NEK7: variants seen among roughly 807,000 people sequenced by gnomAD.
NEK7 encodes NIMA related kinase 7, also known as serine/threonine-protein kinase Nek7.
NEK7 carries 18 observed loss-of-function variants against 44.6 expected under a neutral mutation model. The observed-to-expected ratio is 0.40, with a 90% confidence interval of 0.28 to 0.60. NEK7 has a LOEUF of 0.60. NEK7 is among the 20% of genes least tolerant of loss of function. The pLI, the probability that NEK7 is intolerant of heterozygous loss-of-function variation, is 0.38. For missense variants in NEK7, 256 were observed against 366.5 expected (o/e 0.70, Z 2.46); for synonymous variants, 130 against 121.1 (o/e 1.07, Z -0.48).
At chr1:198,214,968 GAAC>G (rs982122929) in intron 1 of NEK7, among the ~76,000 whole-genome samples, 1 of 152,156 alleles carries the variant, frequency 6.6e-6, no homozygotes, top group Admixed American at 6.5e-5. Context: ...CGTATTAGAT[GAAC>G]AGCAGAGTTC....
rs34704209 is a variant in NEK7 at position 198,317,877 on chromosome 1, A to ATTTTTTTTTT, written c.799-1521_799-1512dup. On this transcript the variant is annotated intron_variant, in intron 9 of 9. Coordinates refer to ENST00000367385, the MANE Select transcript of NEK7 (RefSeq NM_133494.3). ...GCATTGTGTATTACTGGATATATTT[A>ATTTTTTTTTT]TTTTTTTTTTTTTTTTTTTTTTTGG... 8.4e-4 allele frequency among the ~76,000 whole-genome samples: 59 copies of ATTTTTTTTTT among 70,130 alleles called. 3 individuals are homozygous for ATTTTTTTTTT. Among genetic ancestry groups the ATTTTTTTTTT allele is most frequent in the East Asian group, 2.0e-3 (4 of 1,996 alleles). The allele number at this position is 70,130 out of a possible 152,430, so 46.0% of individuals were successfully genotyped here.
At chr1:198,243,474 A>G (rs970662136) in intron 2 of NEK7, among the ~76,000 whole-genome samples, 1 of 152,128 alleles carries the variant, frequency 6.6e-6, no homozygotes, top group Non-Finnish European at 1.5e-5. Context: ...TAGTGCTCAT[A>G]GGGAAGTAGG....
At chr1:198,226,792 C>G (rs1387700590) in intron 1 of NEK7, among the ~76,000 whole-genome samples, 1 of 152,044 alleles carries the variant, frequency 6.6e-6, no homozygotes, top group Admixed American at 6.6e-5. Context: ...CTCCTGAAGG[C>G]AGAAGTCTTC....
intron 1 of NEK7, among the ~76,000 whole-genome samples, chr1:198,162,186 G>C (rs571412075): frequency 5.5e-4 from 83 of 152,252 alleles, no homozygotes; most frequent in African/African-American, 1.9e-3. Context: ...AAATGCAACA[G>C]CTTTGTGAAA....
At chr1:198,254,176 G>A (rs1259950581) in intron 3 of NEK7, among the ~76,000 whole-genome samples, 2 of 151,800 alleles carry the variant, frequency 1.3e-5, no homozygotes, top group Non-Finnish European at 2.9e-5. Context: ...ATTTATAAAA[G>A]GTTTTATCTG....
At chr1:198,173,792 T>G (rs1402370244) in intron 1 of NEK7, among the ~76,000 whole-genome samples, 1 of 152,174 alleles carries the variant, frequency 6.6e-6, no homozygotes, top group Non-Finnish European at 1.5e-5. Context: ...TAAAAAACTT[T>G]ATAATTAAAG....
intron 9 of NEK7, among the ~76,000 whole-genome samples, chr1:198,305,935 G>A (rs943733446): frequency 3.3e-5 from 5 of 152,118 alleles, no homozygotes; most frequent in Admixed American, 6.6e-5. Flanking sequence ...AGAGGTGGCC[G>A]TGAGGGACCC....
chr1:198,235,420 C>T (rs1043330079), intron 2 of NEK7, among the ~76,000 whole-genome samples: 1 of 152,052 alleles, frequency 6.6e-6, no homozygotes. Flanking sequence ...TTTCCACTAA[C>T]ATCTAGAAGG....
chr1:198,197,698 T>G (rs1665284245), intron 1 of NEK7: 2 of 481,310 alleles, frequency 4.2e-6, no homozygotes, highest in South Asian at 4.0e-5. Flanking sequence ...AGGGCTACTT[T>G]CCCCTGGTAC....
At position 198,252,558 on chromosome 1, in the gene NEK7, AT is replaced by A. The variant is rs1558079239; in HGVS notation, c.58-481del. The stretch of plus-strand genomic sequence containing the variant: ...TATATATATATATATATATATATAT[AT>A]ATATATATAAAAAGTACATATATAC... On this transcript the variant is annotated intron_variant, in intron 2 of 9. Transcript: ENST00000367385. Among the ~76,000 whole-genome samples the A allele has an allele frequency of 4.2e-3, 254 of 60,634 alleles. 17 individuals carry two copies. Among genetic ancestry groups the A allele is most frequent in the Non-Finnish European group, 1.2e-3 (44 of 38,038 alleles). The allele number at this position is 60,634 out of a possible 152,430, so 39.8% of individuals were successfully genotyped here. A position where few individuals can be genotyped will look rare whatever the true frequency, so the allele number is the denominator to read the frequency against.
intron 9 of NEK7, among the ~76,000 whole-genome samples, chr1:198,301,567 A>C (rs1016667680): frequency 2.0e-5 from 3 of 152,200 alleles, no homozygotes; most frequent in African/African-American, 7.2e-5. Context: ...AACAAACAAA[A>C]AAGCATAACA....
intron 1 of NEK7, among the ~76,000 whole-genome samples, chr1:198,164,281 T>C (rs1316954060): frequency 6.6e-6 from 1 of 152,222 alleles, no homozygotes; most frequent in African/African-American, 2.4e-5. Context: ...CAAGGGAGTT[T>C]CTGCCTCTTC....
intron 1 of NEK7, among the ~76,000 whole-genome samples, chr1:198,230,725 G>T (rs565605246): frequency 6.6e-6 from 1 of 151,994 alleles, no homozygotes; most frequent in South Asian, 2.1e-4. Context: ...AGGAAGTTTA[G>T]GAATTTTGCA....
At position 198,158,946 on chromosome 1, in the gene NEK7, CTGTA is replaced by C. The variant is rs562153946; in HGVS notation, c.-29+1673_-29+1676del. ...CTCGGAGGAGTCAAAGGGGCAGTAA[CTGTA>C]TGGGGTGAGAGGAAGGCCTGCGAAA... is the stretch of plus-strand genomic sequence containing the variant. On this transcript the variant is annotated intron_variant, in intron 1 of 9. Coordinates refer to ENST00000367385, the MANE Select transcript of NEK7 (RefSeq NM_133494.3). Among the ~76,000 whole-genome samples, 319 of 152,070 alleles carry C rather than the reference CTGTA, an allele frequency of 2.1e-3. 1 individual carries two copies. The highest frequency in any genetic ancestry group is 6.4e-3 in the African/African-American group (267 of 41,478).
chr1:198,194,786 A>G (rs935155572), intron 1 of NEK7, among the ~76,000 whole-genome samples: 3 of 152,200 alleles, frequency 2.0e-5, no homozygotes, highest in African/African-American at 7.2e-5. Context: ...ATACAGGAGC[A>G]TGTGTCTTTA....
chr1:198,206,522 T>G (rs1181926293), intron 1 of NEK7, among the ~76,000 whole-genome samples: 1 of 152,182 alleles, frequency 6.6e-6, no homozygotes, highest in Non-Finnish European at 1.5e-5. Flanking sequence ...TACTTTTTAG[T>G]GATGCTGCAG....
At chr1:198,295,849 T>A (rs1278647436) in intron 8 of NEK7, among the ~76,000 whole-genome samples, 1 of 150,664 alleles carries the variant, frequency 6.6e-6, no homozygotes, top group Non-Finnish European at 1.5e-5. Flanking sequence ...TTGTGGTTCT[T>A]TTAGAAATTT....
At chr1:198,254,110 T>C (rs1019536240) in intron 3 of NEK7, among the ~76,000 whole-genome samples, 17 of 152,258 alleles carry the variant, frequency 1.1e-4, no homozygotes, top group African/African-American at 4.1e-4. Flanking sequence ...AGTATACTTG[T>C]GACAGCCAAT....
intron 1 of NEK7, among the ~76,000 whole-genome samples, chr1:198,171,270 T>C (rs1335443496): frequency 1.3e-5 from 2 of 152,260 alleles, no homozygotes; most frequent in South Asian, 2.1e-4. Context: ...AATTTATTTA[T>C]GCTTTTTAAT....
Sources: gnomAD v4.1 joint callset for allele counts (sites outside exome capture counted in the v4.1 genomes callset) on GRCh38, gnomAD v4.1.1 for gene constraint, MANE v1.5 for transcripts, NCBI Gene and HGNC (gene_info 2026-07-23, HGNC 2026-07-21) for gene names.